SEMA4G: variants seen among roughly 807,000 people sequenced by gnomAD.
SEMA4G encodes semaphorin-4G.
A neutral mutation model predicts 81.2 loss-of-function variants in SEMA4G; 59 were observed. That is an observed-to-expected ratio of 0.73 (90% CI 0.59 to 0.90). The LOEUF (loss-of-function observed/expected upper bound fraction) is 0.90. SEMA4G is among the 40% of genes least tolerant of loss of function. The pLI, the probability that SEMA4G is intolerant of heterozygous loss-of-function variation, is 0.00. For missense variants in SEMA4G, 952 were observed against 1,102.3 expected (o/e 0.86, Z 1.93); for synonymous variants, 404 against 433.9 (o/e 0.93, Z 0.86).
upstream of SEMA4G, chr10:100,969,948 A>G (rs1298198270): frequency 4.4e-6 from 2 of 450,520 alleles, no homozygotes; most frequent in Admixed American, 2.4e-5. Context: ...AAGGGAGAGG[A>G]CCGCGGACTG....
Position 100,973,737 on chromosome 10 carries a change from T to C in SEMA4G, c.336+128T>C, listed in dbSNP as rs1850698582. 1 of 827,694 alleles carries C rather than the reference T, an allele frequency of 1.2e-6. No homozygotes were observed. The highest frequency in any genetic ancestry group is 1.8e-5 in the South Asian group (1 of 56,602). 51.3% of individuals were successfully genotyped at this position (827,694 alleles called of 1,614,324 possible). A position where few individuals can be genotyped will look rare whatever the true frequency, so the allele number is the denominator to read the frequency against. Reference sequence around the variant, plus strand: ...TCAATCTCAGCAACCACAGTAAACATTGTAAGTATTGCCAGAGTGGCAAGC... The same window carrying C: ...TCAATCTCAGCAACCACAGTAAACACTGTAAGTATTGCCAGAGTGGCAAGC... On this transcript the variant is annotated intron_variant, in intron 3 of 13. Coordinates refer to ENST00000370250, the Ensembl canonical transcript of SEMA4G. This position sits in a 1 kb window ranked among gnomAD's most constrained non-coding sequence, Gnocchi z 5.5.
At chr10:100,984,217 C>T in exon 14 of SEMA4G, 2 of 1,500,418 alleles carry the variant, frequency 1.3e-6, no homozygotes, top group Non-Finnish European at 8.8e-7. Context: ...GCCACCCTCC[C>T]TTCATTACCC....
At chr10:100,971,871 A>G (rs1850643652), upstream of SEMA4G, among the ~76,000 whole-genome samples, 1 of 152,152 alleles carries the variant, frequency 6.6e-6, no homozygotes, top group Non-Finnish European at 1.5e-5. Flanking sequence ...AGCCTTCTGC[A>G]CAGACATTAT....
chr10:100,978,394 C>A lies in SEMA4G; in HGVS notation c.529+6C>A. The A allele has an allele frequency of 6.2e-7, 1 of 1,611,396 alleles. No individual in the cohort carries two copies. Among genetic ancestry groups the A allele is most frequent in the Admixed American group, 1.7e-5 (1 of 59,808 alleles). On this transcript the variant is annotated splice_donor_region_variant and intron_variant, in intron 5 of 13. Coordinates refer to ENST00000370250, the Ensembl canonical transcript of SEMA4G. ...CTTCACAGGCCTCATCATTGGTGAGCAGGCCTTCTTCCCTATCACAGACAT... is the reference window on the plus strand; with the variant it reads ...CTTCACAGGCCTCATCATTGGTGAGAAGGCCTTCTTCCCTATCACAGACAT...
intron 3 of SEMA4G, among the ~76,000 whole-genome samples, chr10:100,977,305 A>T (rs1411047813): frequency 6.6e-6 from 1 of 152,138 alleles, no homozygotes; most frequent in East Asian, 1.9e-4. Flanking sequence ...AAGGAGCTGG[A>T]TGGGAGAGGA....
At chr10:100,975,144 G>A (rs1311544433) in intron 3 of SEMA4G, 1 of 460,656 alleles carries the variant, frequency 2.2e-6, no homozygotes, top group Non-Finnish European at 4.3e-6. Context: ...GCCCAGCTGG[G>A]AGTTTGGGTT....
chr10:100,975,600 G>A (rs1439160518), intron 3 of SEMA4G, among the ~76,000 whole-genome samples: 1 of 152,216 alleles, frequency 6.6e-6, no homozygotes, highest in African/African-American at 2.4e-5. Flanking sequence ...GCTCAGGCCT[G>A]TAATCCCAGC....
chr10:100,972,795 C>G (rs1850668844), exon 1 of SEMA4G: 1 of 1,142,014 alleles, frequency 8.8e-7, no homozygotes, highest in South Asian at 1.5e-5. Flanking sequence ...GACCCCTGAC[C>G]TTCCAAGTGA....
In SEMA4G at chr10:100,983,823, G is replaced by T; in HGVS notation, c.2209G>T (p.Glu737Ter). 1 of 1,600,664 alleles carries T rather than the reference G, an allele frequency of 6.2e-7. No homozygotes were observed. The highest frequency in any genetic ancestry group is 2.3e-5 in the East Asian group (1 of 44,318). The change falls in exon 14 of 14, where the codon GAG (glutamate) becomes TAG (stop). Residue 737 changes from glutamate to a stop codon, truncating the protein, a stop_gained. Coordinates refer to ENST00000370250, the Ensembl canonical transcript of SEMA4G. LOFTEE classifies it high-confidence loss of function. ...GACAGTCTCAGGCCAGTGTCCTGGA[G>T]AGGAAGATGAGGGTGATGATGAGGG...
chr10:100,980,492 C>A (rs1223438226), intron 10 of SEMA4G, 86 bp from the exon 12 acceptor site: 31 of 1,384,420 alleles, frequency 2.2e-5, no homozygotes, highest in Non-Finnish European at 3.2e-5. Flanking sequence ...CCTCAGGACT[C>A]CTGAGCTGTT....
chr10:100,981,421 G>A (rs976151809), intron 13 of SEMA4G, 192 bp downstream of exon 14: 25 of 1,613,794 alleles, frequency 1.5e-5, no homozygotes, highest in Non-Finnish European at 2.0e-5. Flanking sequence ...TATAAACTAG[G>A]AAACATATTT....
intron 10 of SEMA4G, 77 bp from the exon 12 acceptor site, chr10:100,980,500 GT>G: frequency 7.1e-7 from 1 of 1,411,352 alleles, no homozygotes; most frequent in Admixed American, 1.7e-5. Context: ...CTCCTGAGCT[GT>G]TCGTATTAGG....
chr10:100,982,460 T>C (rs998537188), intron 13 of SEMA4G, among the ~76,000 whole-genome samples: 1 of 152,182 alleles, frequency 6.6e-6, no homozygotes, highest in African/African-American at 2.4e-5. Flanking sequence ...AGGTCTAAGA[T>C]AGATGCCAGA....
chr10:100,971,841 C>T (rs1057344767), upstream of SEMA4G, among the ~76,000 whole-genome samples: 11 of 152,190 alleles, frequency 7.2e-5, no homozygotes, highest in African/African-American at 2.4e-4. Flanking sequence ...GCTTATGTCT[C>T]AACTGGCCTT....
Position 100,973,363 on chromosome 10 carries a change from C to T in SEMA4G, c.273+86C>T, listed in dbSNP as rs1850689172. ...CTCAACTTCCTTAAAACCCTGCCAG[C>T]CTTCCATAGCCCCCTGGTCAGACAG... On this transcript the variant is annotated intron_variant, in intron 2 of 13. Coordinates refer to ENST00000370250, the Ensembl canonical transcript of SEMA4G. This position sits in a 1 kb window ranked among gnomAD's most constrained non-coding sequence, Gnocchi z 5.5. 6.5e-7 allele frequency: 1 copy of T among 1,526,812 alleles called. No homozygotes were observed. Among genetic ancestry groups the T allele is most frequent in the Non-Finnish European group, 8.9e-7 (1 of 1,122,160 alleles). The allele number at this position is 1,526,812 out of a possible 1,614,324, so 94.6% of individuals were successfully genotyped here.
At chr10:100,972,835 G>T (rs1191340004) in exon 1 of SEMA4G, 2 of 1,497,820 alleles carry the variant, frequency 1.3e-6, no homozygotes, top group Middle Eastern at 1.8e-4. Context: ...CTGTGACTGT[G>T]CTTCCCATTC....
At chr10:100,983,528 C>A in exon 14 of SEMA4G, 1 of 1,614,172 alleles carries the variant, frequency 6.2e-7, no homozygotes, top group Non-Finnish European at 8.5e-7. Flanking sequence ...AGGAAAATGG[C>A]CTCCGCACCC....
chr10:100,983,912 ACCCCCACCG>A lies in SEMA4G; in HGVS notation c.2310_2318del (p.Pro772_Pro774del), dbSNP rs773176617. On this transcript the variant is annotated inframe_deletion, in exon 14 of 14. Coordinates refer to ENST00000370250, the Ensembl canonical transcript of SEMA4G. The stretch of plus-strand genomic sequence containing the variant: ...CTGGGGAGGGAGCCCCAGCCCCACC[ACCCCCACCG>A]CCCCCACCGCCACCGGCTGAGCTGA... 1.9e-3 allele frequency: 359 copies of A among 189,050 alleles called. No homozygotes were observed. In the African/African-American group the frequency reaches 0.022, roughly 11 times the overall value. The allele number at this position is 189,050 out of a possible 1,614,324, so 11.7% of individuals were successfully genotyped here.
At chr10:100,981,272 C>G in intron 13 of SEMA4G, 43 bp downstream of exon 14, 1 of 1,607,026 alleles carries the variant, frequency 6.2e-7, no homozygotes, top group South Asian at 1.1e-5. Context: ...CGCAGACTGT[C>G]CTCTTTGCCA....
Sources: gnomAD v4.1 joint callset for allele counts (sites outside exome capture counted in the v4.1 genomes callset) on GRCh38, gnomAD v4.1.1 for gene constraint, Gnocchi (gnomAD v3.1) non-coding constraint, MANE v1.5 for transcripts, NCBI Gene and HGNC (gene_info 2026-07-23, HGNC 2026-07-21) for gene names.